RAPGEF3: variants seen among roughly 807,000 people sequenced by gnomAD.
RAPGEF3 encodes the protein Rap guanine nucleotide exchange factor 3, also known as 9330170P05Rik.
Under a neutral mutation model 129.8 loss-of-function variants are expected in RAPGEF3, and 103 were observed. The ratio of observed to expected loss-of-function variants is 0.79; its 90% confidence interval spans 0.68 to 0.93. The LOEUF is 0.93. RAPGEF3 is among the 40% of genes least tolerant of loss of function. RAPGEF3 has a pLI of 0.00. For synonymous variants in RAPGEF3, 436 were observed against 482.6 expected (o/e 0.90, Z 1.26); for missense variants, 1,117 against 1,207.4 (o/e 0.93, Z 1.11).
Position 47,748,930 on chromosome 12 carries a change from T to A in RAPGEF3, c.1043A>T (p.Asp348Val). 6.2e-7 allele frequency: 1 copy of A among 1,611,770 alleles called. No individual in the cohort carries two copies. Among genetic ancestry groups the A allele is most frequent in the South Asian group, 1.1e-5 (1 of 91,046 alleles). The change falls in exon 11 of 28, where the codon GAT (aspartate) becomes GTT (valine). Residue 348 changes from aspartate (D) to valine (V), a missense_variant and splice_region_variant. Physicochemically the swap from Asp to Val is radical, Grantham distance 152 (BLOSUM62 -3). Transcript: ENST00000449771. Reference sequence around the variant, plus strand: ...CAGCCGCATGGTCTTTGCCTCCACATCCTGGAGAACAGGCCACATCCCATG... The same window carrying A: ...CAGCCGCATGGTCTTTGCCTCCACAACCTGGAGAACAGGCCACATCCCATG... ...DKQDFNRIIK[D>V]VEAKTMRLEE...
chr12:47,753,153 G>A (rs1164266336), intron 2 of RAPGEF3, among the ~76,000 whole-genome samples: 1 of 152,220 alleles, frequency 6.6e-6, no homozygotes, highest in African/African-American at 2.4e-5. Context: ...AGGATCAGAT[G>A]TGAAATAGGC....
Position 47,737,296 on chromosome 12 carries a change from A to C in RAPGEF3, c.*271T>G. ...TCTATTGCACACAACGTCCCAGCGCACTCCACTCTCCACCCACTCCTGGGG... is the reference window on the plus strand; with the variant it reads ...TCTATTGCACACAACGTCCCAGCGCCCTCCACTCTCCACCCACTCCTGGGG... On this transcript the variant is annotated 3_prime_UTR_variant, in exon 28 of 28. Coordinates refer to ENST00000449771, the MANE Select transcript of RAPGEF3 (RefSeq NM_001098531.4). The C allele has an allele frequency of 2.0e-6, 1 of 489,242 alleles. No homozygotes were observed. Among genetic ancestry groups the C allele is most frequent in the South Asian group, 2.2e-5 (1 of 45,198 alleles). 30.3% of individuals were successfully genotyped at this position (489,242 alleles called of 1,614,324 possible). A position where few individuals can be genotyped will look rare whatever the true frequency, so the allele number is the denominator to read the frequency against.
At chr12:47,737,870 G>A (rs1940876494) in intron 27 of RAPGEF3, 152 bp downstream of exon 27, 1 of 1,191,454 alleles carries the variant, frequency 8.4e-7, no homozygotes, top group Admixed American at 2.0e-5. Context: ...AGAGCCCCCT[G>A]GCTCAGAGCA....
rs371294769 is a variant in RAPGEF3 at position 47,751,789 on chromosome 12, T to C, written c.314A>G (p.His105Arg). ...TGGGCAGGTGGCCAGCAGATGCCGATGCAGCTGCCTCCCAGCCCTGAGCAC... is the reference window on the plus strand; with the variant it reads ...TGGGCAGGTGGCCAGCAGATGCCGACGCAGCTGCCTCCCAGCCCTGAGCAC... ...ERVLRAGRQL[H>R]RHLLATCPNL... Residue 105 changes from histidine to arginine, a missense_variant, in exon 4 of 28, where the codon CAT becomes CGT. His to Arg is a conservative substitution (Grantham distance 29, BLOSUM62 0). Transcript: ENST00000449771. 2.5e-6 allele frequency: 4 copies of C among 1,614,114 alleles called. No individual in the cohort carries two copies. The highest frequency in any genetic ancestry group is 3.4e-6 in the Non-Finnish European group (4 of 1,180,026).
rs78244793 is a variant in RAPGEF3, at chr12:47,740,233, C to T, written c.2323-42G>A. The T allele has an allele frequency of 4.6e-3, 7,456 of 1,612,472 alleles. 343 individuals are homozygous for T. The East Asian group carries it at 0.12, about 25-fold the overall frequency. On this transcript the variant is annotated intron_variant, in intron 22 of 27. Transcript: ENST00000449771. ...GATGAGCGGCTGCTCTGGGGGAGGCCCAGCCCCATCCAGCACTCCCAGGAG... is the reference window on the plus strand; with the variant it reads ...GATGAGCGGCTGCTCTGGGGGAGGCTCAGCCCCATCCAGCACTCCCAGGAG...
chr12:47,747,672 C>A (rs1251786314), intron 14 of RAPGEF3, 40 bp downstream of exon 14: 3 of 1,612,326 alleles, frequency 1.9e-6, no homozygotes, highest in Non-Finnish European at 1.7e-6. Context: ...CTGCATCCAC[C>A]CCGGGCAGCC....
In RAPGEF3 at chr12:47,749,442, T is replaced by A. The variant is rs1467600538; in HGVS notation, c.989A>T (p.Asp330Val). 6.2e-7 allele frequency: 1 copy of A among 1,613,328 alleles called. No homozygotes were observed. Among genetic ancestry groups the A allele is most frequent in the Admixed American group, 1.7e-5 (1 of 60,000 alleles). Residue 330 changes from aspartate to valine, a missense_variant, in exon 10 of 28, where the codon GAC becomes GTC. Coordinates refer to ENST00000449771, the MANE Select transcript of RAPGEF3 (RefSeq NM_001098531.4). The surrounding 1 kb of genome is among the most constrained non-coding windows in gnomAD (Gnocchi z 4.5). ...GTCCACACGCAGGAAATGACAGTTG[T>A]CTTCTCGCAGGATGATGGTGGCTGC... ...PRAATIILRE[D>V]NCHFLRVDKQ...
chr12:47,740,097 A>G (rs777308000), intron 23 of RAPGEF3, 44 bp downstream of exon 23: 3 of 1,592,888 alleles, frequency 1.9e-6, no homozygotes, highest in Non-Finnish European at 2.6e-6. Flanking sequence ...GGCCGAGCCC[A>G]GCTGATCCTA....
chr12:47,747,219 G>C (rs1941473055), intron 15 of RAPGEF3, among the ~76,000 whole-genome samples: 2 of 152,198 alleles, frequency 1.3e-5, no homozygotes, highest in African/African-American at 4.8e-5. Context: ...AAAGGTGAAG[G>C]TAAAGTCTAG....
Position 47,751,913 on chromosome 12 carries a change from T to A in RAPGEF3, c.273+3A>T. The A allele has an allele frequency of 6.2e-7, 1 of 1,614,154 alleles. No individual in the cohort carries two copies. The highest frequency in any genetic ancestry group is 8.5e-7 in the Non-Finnish European group (1 of 1,179,996). Reference sequence around the variant, plus strand: ...CCCAGCTCCACCCTGCCCAGGCTTCTACCTGCTCCAGGCTCTCGCTGAAAT... The same window carrying A: ...CCCAGCTCCACCCTGCCCAGGCTTCAACCTGCTCCAGGCTCTCGCTGAAAT... On this transcript the variant is annotated splice_donor_region_variant and intron_variant, in intron 3 of 27. Coordinates refer to ENST00000449771, the MANE Select transcript of RAPGEF3 (RefSeq NM_001098531.4).
rs75424057 is a variant in RAPGEF3, at chr12:47,737,294, G to A, written c.*273C>T. 38,301 of 480,074 alleles carry A rather than the reference G, an allele frequency of 0.08. 1,869 individuals carry two copies. Among genetic ancestry groups the A allele is most frequent in the Middle Eastern group, 0.11 (191 of 1,764 alleles). 29.7% of individuals were successfully genotyped at this position (480,074 alleles called of 1,614,324 possible). A position where few individuals can be genotyped will look rare whatever the true frequency, so the allele number is the denominator to read the frequency against. On this transcript the variant is annotated 3_prime_UTR_variant, in exon 28 of 28. Coordinates refer to ENST00000449771, the MANE Select transcript of RAPGEF3 (RefSeq NM_001098531.4). ...TCTCTATTGCACACAACGTCCCAGC[G>A]CACTCCACTCTCCACCCACTCCTGG...
chr12:47,737,872 C>T lies in RAPGEF3; in HGVS notation c.2653+150G>A. 3 of 1,212,066 alleles carry T rather than the reference C, an allele frequency of 2.5e-6. No individual in the cohort carries two copies. The South Asian group carries it at 4.0e-5, about 16-fold the overall frequency. The allele number at this position is 1,212,066 out of a possible 1,614,324, so 75.1% of individuals were successfully genotyped here. On this transcript the variant is annotated intron_variant, in intron 27 of 27. Transcript: ENST00000449771. ...GTGAGGGGACCGAAGAGCCCCCTGG[C>T]TCAGAGCACAGAGGCTGAACATTAT...
rs760399497 is a variant in RAPGEF3, at chr12:47,748,894, C to T, written c.1079G>A (p.Gly360Asp). The T allele has an allele frequency of 3.2e-5, 51 of 1,613,958 alleles. No individual in the cohort carries two copies. Among genetic ancestry groups the T allele is most frequent in the Admixed American group, 5.0e-5 (3 of 59,994 alleles). The change falls in exon 11 of 28, where the codon GGC (glycine) becomes GAC (aspartate). Residue 360 changes from glycine (G) to aspartate (D), a missense_variant. By Grantham distance (94) the Gly-to-Asp change is moderately conservative (BLOSUM62 -1). Transcript: ENST00000449771. ...EAKTMRLEEH[G>D]KVVLVLERAS... is the part of the protein sequence containing the mutation. ...TCTCTCCAGCACCAGCACCACTTTG[C>T]CATGTTCTTCCAGCCGCATGGTCTT...
intron 19 of RAPGEF3, 120 bp downstream of exon 19, chr12:47,741,385 A>T (rs1363995710): frequency 2.1e-6 from 2 of 967,934 alleles, no homozygotes; most frequent in Non-Finnish European, 3.3e-6. Context: ...CTGAGGACCC[A>T]GCAGCAGCCA....
rs987348361 is a variant in RAPGEF3, at chr12:47,750,538, A to G, written c.672-113T>C. 1.0e-5 allele frequency: 9 copies of G among 875,628 alleles called. 1 individual carries two copies. In the South Asian group the frequency reaches 1.3e-4, roughly 13 times the overall value. The allele number at this position is 875,628 out of a possible 1,614,324, so 54.2% of individuals were successfully genotyped here. On this transcript the variant is annotated intron_variant, in intron 6 of 27. Coordinates refer to ENST00000449771, the MANE Select transcript of RAPGEF3 (RefSeq NM_001098531.4). ...TGCCAGACGGTGCCTCAGCAGTGACAGTTATCAGCAGCAGCTAACCTTTAC... is the reference window on the plus strand; with the variant it reads ...TGCCAGACGGTGCCTCAGCAGTGACGGTTATCAGCAGCAGCTAACCTTTAC...
chr12:47,738,765 A>C lies in RAPGEF3; in HGVS notation c.2462-11T>G. On this transcript the variant is annotated splice_polypyrimidine_tract_variant and intron_variant, in intron 24 of 27. Coordinates refer to ENST00000449771, the MANE Select transcript of RAPGEF3 (RefSeq NM_001098531.4). ...GAATGAAGGTCATGTCTGCAAAGAG[A>C]TGGGTTTTGTTCATAGGTCCCCAAA... 1 of 1,604,558 alleles carries C rather than the reference A, an allele frequency of 6.2e-7. No individual in the cohort carries two copies. The highest frequency in any genetic ancestry group is 8.5e-7 in the Non-Finnish European group (1 of 1,171,454).
intron 15 of RAPGEF3, among the ~76,000 whole-genome samples, chr12:47,747,176 C>T (rs1430202119): frequency 6.6e-6 from 1 of 152,194 alleles, no homozygotes; most frequent in Non-Finnish European, 1.5e-5. Flanking sequence ...CCCAACCCCC[C>T]TGAATCTCAG....
rs969859557 is a variant in RAPGEF3 at position 47,743,733 on chromosome 12, G to T, written c.1679-57C>A. On this transcript the variant is annotated intron_variant, in intron 17 of 27. Transcript: ENST00000449771. ...GGGCTGCCTGATCTCCACCCCAGGAGGGAGAGGGCGGCTATTGCAGTAATG... is the reference window on the plus strand; with the variant it reads ...GGGCTGCCTGATCTCCACCCCAGGATGGAGAGGGCGGCTATTGCAGTAATG... 7.6e-6 allele frequency: 12 copies of T among 1,574,472 alleles called. No individual in the cohort carries two copies. The Admixed American group carries it at 2.1e-4, about 27-fold the overall frequency.
chr12:47,753,797 C>T (rs1021306079), intron 2 of RAPGEF3: 4 of 152,250 alleles, frequency 2.6e-5, no homozygotes, highest in Admixed American at 6.5e-5. Context: ...ACCCAGGCTC[C>T]AGCACCAGCC....
Sources: gnomAD v4.1 joint callset for allele counts (sites outside exome capture counted in the v4.1 genomes callset) on GRCh38, gnomAD v4.1.1 for gene constraint, Gnocchi (gnomAD v3.1) non-coding constraint, MANE v1.5 for transcripts, NCBI Gene and HGNC (gene_info 2026-07-23, HGNC 2026-07-21) for gene names.